Variants in ARHGAP6 observed in about 807,000 individuals in gnomAD.
The protein encoded by ARHGAP6 is Rho GTPase activating protein 6.
In ARHGAP6, 16 loss-of-function variants were observed where a neutral mutation model predicts 55.7. The ratio of observed to expected loss-of-function variants is 0.29; its 90% CI spans 0.19 to 0.44. The LOEUF is 0.44. ARHGAP6 is among the 20% of genes least tolerant of loss of function. The probability of loss-of-function intolerance (pLI) is 1.00; values close to 1 mark genes in which losing one functional copy is unlikely to be tolerated. For synonymous variants in ARHGAP6, 382 were observed against 360.9 expected (o/e 1.06, Z -0.66); for missense variants, 698 against 808.9 (o/e 0.86, Z 1.66).
intron 1 of ARHGAP6, among the ~76,000 whole-genome samples, chrX:11,520,085 T>C (rs188343491): frequency 0.085 from 7,097 of 83,972 alleles, 544 homozygotes; most frequent in African/African-American, 0.19. Context: ...CACAACCTTC[T>C]CATCTGACAA....
At position 11,264,012 on chromosome X, in the gene ARHGAP6, T is replaced by C. The variant is rs559103526; in HGVS notation, c.589-9305A>G. On this transcript the variant is annotated intron_variant, in intron 1 of 12. Transcript: ENST00000337414. Reference sequence around the variant, plus strand: ...TTCTGTGGCAGCCTACAGGCCACAATTGCAGAGTTGAGTTGTTGCAACAGA... The same window carrying C: ...TTCTGTGGCAGCCTACAGGCCACAACTGCAGAGTTGAGTTGTTGCAACAGA... 3.6e-5 allele frequency among the ~76,000 whole-genome samples: 4 copies of C among 111,547 alleles called. No homozygotes were observed. The East Asian group carries it at 1.1e-3, about 31-fold the overall frequency.
intron 1 of ARHGAP6, among the ~76,000 whole-genome samples, chrX:11,390,444 A>G (rs1227673669): frequency 2.7e-5 from 3 of 111,576 alleles, no homozygotes; most frequent in African/African-American, 9.8e-5. Context: ...AATGGCAACA[A>G]AAGCCAAAAT....
intron 1 of ARHGAP6, among the ~76,000 whole-genome samples, chrX:11,406,871 GT>G (rs756584621): frequency 0.1 from 10,095 of 101,203 alleles, 491 homozygotes; most frequent in Non-Finnish European, 0.15. Flanking sequence ...TAAATGGGGA[GT>G]TTTTTTTTTT....
chrX:11,285,146 T>C (rs769877239), intron 1 of ARHGAP6, among the ~76,000 whole-genome samples: 1 of 104,211 alleles, frequency 9.6e-6, no homozygotes, highest in East Asian at 2.9e-4. Context: ...TCTTTCCAGA[T>C]GAACAACCAC....
At chrX:11,404,461 T>C (rs2049587079) in intron 1 of ARHGAP6, among the ~76,000 whole-genome samples, 1 of 112,190 alleles carries the variant, frequency 8.9e-6, no homozygotes, top group African/African-American at 3.2e-5. Flanking sequence ...AAATAATCCC[T>C]TTGTTTTGCA....
chrX:11,573,461 G>T (rs1269671108), intron 1 of ARHGAP6, among the ~76,000 whole-genome samples: 2 of 110,240 alleles, frequency 1.8e-5, no homozygotes, highest in Admixed American at 1.9e-4. Flanking sequence ...CCCGTTGCTT[G>T]TTTTTGTCAG....
rs180977447 is a variant in ARHGAP6 at position 11,511,451 on chromosome X, C to T, written c.588+152790G>A. Among the ~76,000 whole-genome samples, 196 of 112,308 alleles carry T rather than the reference C, an allele frequency of 1.7e-3. 1 individual carries two copies. Among genetic ancestry groups the T allele is most frequent in the East Asian group, 2.5e-3 (9 of 3,577 alleles). ...TTCCTAACCCCTGGGAGGACAGTGGCCATGCCTTGTACAGTGTATACATTC... is the reference window on the plus strand; with the variant it reads ...TTCCTAACCCCTGGGAGGACAGTGGTCATGCCTTGTACAGTGTATACATTC... On this transcript the variant is annotated intron_variant, in intron 1 of 12. Coordinates refer to ENST00000337414, the MANE Select transcript of ARHGAP6 (RefSeq NM_013427.3).
intron 1 of ARHGAP6, among the ~76,000 whole-genome samples, chrX:11,510,525 A>G (rs147122710): frequency 2.7e-5 from 3 of 111,532 alleles, no homozygotes; most frequent in Non-Finnish European, 5.6e-5. Flanking sequence ...CTATGAAAAA[A>G]GCTGCTGCCA....
intron 1 of ARHGAP6, among the ~76,000 whole-genome samples, chrX:11,388,913 C>T (rs1014941872): frequency 8.9e-6 from 1 of 111,954 alleles, no homozygotes; most frequent in Non-Finnish European, 1.9e-5. Context: ...GAAAACAATT[C>T]ACTCAGCCAC....
intron 1 of ARHGAP6, among the ~76,000 whole-genome samples, chrX:11,579,166 AC>A (rs1467117615): frequency 9.0e-6 from 1 of 111,462 alleles, no homozygotes; most frequent in Non-Finnish European, 1.9e-5. Flanking sequence ...GTGTACATGT[AC>A]CCTAGAACTA....
chrX:11,138,698 G>T lies in ARHGAP6; in HGVS notation c.*165C>A. The T allele has an allele frequency of 1.9e-6, 1 of 530,780 alleles. No individual in the cohort carries two copies. Among genetic ancestry groups the T allele is most frequent in the Admixed American group, 4.0e-5 (1 of 24,966 alleles). The allele number at this position is 530,780 out of a possible 1,213,427, so 43.7% of individuals were successfully genotyped here. ...GCAATGGAACCTTATTCTCAATGGC[G>T]GGGGCGTGAGTGCTCTACCTCTGTA... On this transcript the variant is annotated 3_prime_UTR_variant, in exon 13 of 13. Coordinates refer to ENST00000337414, the MANE Select transcript of ARHGAP6 (RefSeq NM_013427.3).
At chrX:11,164,400 G>GA (rs1488787443) in intron 9 of ARHGAP6, among the ~76,000 whole-genome samples, 1 of 112,204 alleles carries the variant, frequency 8.9e-6, no homozygotes, top group African/African-American at 3.2e-5. Flanking sequence ...TATAGAAAAG[G>GA]AAATGGAAAT....
chrX:11,323,866 C>CAAAAAAAAAAAAAA (rs61462099), intron 1 of ARHGAP6, among the ~76,000 whole-genome samples: 8 of 40,270 alleles, frequency 2.0e-4, no homozygotes, highest in Non-Finnish European at 2.5e-4. Context: ...ACCCCCATTT[C>CAAAAAAAAAAAAAA]AAAAAAAAAA....
chrX:11,346,753 A>AAGAG (rs953393946), intron 1 of ARHGAP6, among the ~76,000 whole-genome samples: 5 of 110,553 alleles, frequency 4.5e-5, no homozygotes, highest in Non-Finnish European at 9.5e-5. Context: ...GAAAGAAAGA[A>AAGAG]AGAGAGAAAG....
chrX:11,595,753 T>C (rs1281913579), intron 1 of ARHGAP6, among the ~76,000 whole-genome samples: 1 of 111,562 alleles, frequency 9.0e-6, no homozygotes, highest in Admixed American at 9.5e-5. Flanking sequence ...CATCAAAAAG[T>C]GGGCAAAGGA....
At chrX:11,339,944 C>A (rs903449059) in intron 1 of ARHGAP6, among the ~76,000 whole-genome samples, 1 of 112,090 alleles carries the variant, frequency 8.9e-6, no homozygotes, top group Non-Finnish European at 1.9e-5. Flanking sequence ...CTTCACCAGC[C>A]CCTTACCCAT....
intron 1 of ARHGAP6, among the ~76,000 whole-genome samples, chrX:11,376,670 T>C (rs1450184247): frequency 1.8e-5 from 2 of 112,942 alleles, no homozygotes; most frequent in Non-Finnish European, 3.7e-5. Flanking sequence ...AATAGAAGAC[T>C]AATGCTTATG....
intron 1 of ARHGAP6, among the ~76,000 whole-genome samples, chrX:11,316,513 A>G (rs922472073): frequency 3.6e-5 from 4 of 112,633 alleles, no homozygotes; most frequent in African/African-American, 1.3e-4. Context: ...TGTCTTCATT[A>G]AGCCAATTAA....
intron 10 of ARHGAP6, among the ~76,000 whole-genome samples, chrX:11,151,130 C>A (rs185161676): frequency 9.0e-6 from 1 of 111,497 alleles, no homozygotes; most frequent in African/African-American, 3.3e-5. Context: ...CATTCTCATT[C>A]CCTATTTCCT....
Sources: allele counts gnomAD v4.1 joint callset (sites outside exome capture counted in the v4.1 genomes callset), GRCh38; gene constraint gnomAD v4.1.1; transcripts MANE v1.5; gene names NCBI Gene and HGNC (gene_info 2026-07-23, HGNC 2026-07-21).